The following LRRC4C variants were observed in gnomAD, a reference collection of about 807,000 sequenced individuals.
The protein encoded by LRRC4C is leucine-rich repeat-containing protein 4C.
A neutral mutation model predicts 33.6 loss-of-function variants in LRRC4C; 5 were observed. The ratio of observed to expected loss-of-function variants is 0.15; its 90% CI spans 0.08 to 0.31. The LOEUF is 0.31. LRRC4C is among the 10% of genes least tolerant of loss of function. LRRC4C has a pLI of 1.00. For missense variants in LRRC4C, 560 were observed against 796.7 expected, an observed-to-expected ratio of 0.70 and a Z score of 3.58; for synonymous variants, 329 against 302.0, an observed-to-expected ratio of 1.09 and a Z score of -0.93.
intron 1 of LRRC4C, among the ~76,000 whole-genome samples, chr11:41,163,284 G>GTTTTCTTTTTTTTT (rs1944556600): frequency 1.4e-5 from 1 of 73,382 alleles, no homozygotes; most frequent in Admixed American, 2.3e-4. Flanking sequence ...TACTGTAACT[G>GTTTTCTTTTTTTTT]TTTTTTTTTT....
intron 2 of LRRC4C, among the ~76,000 whole-genome samples, chr11:40,925,816 C>T (rs1319795593): frequency 6.6e-6 from 1 of 152,080 alleles, no homozygotes; most frequent in African/African-American, 2.4e-5. Flanking sequence ...ATGTGCCAGG[C>T]ATTATTTTAG....
chr11:41,103,279 T>C (rs961278389), intron 1 of LRRC4C, among the ~76,000 whole-genome samples: 11 of 151,910 alleles, frequency 7.2e-5, no homozygotes, highest in Non-Finnish European at 2.9e-5. Flanking sequence ...TCTTTGAAAA[T>C]GTGGAAATTG....
At chr11:41,169,106 A>C (rs930442736) in intron 1 of LRRC4C, among the ~76,000 whole-genome samples, 3 of 152,174 alleles carry the variant, frequency 2.0e-5, no homozygotes, top group African/African-American at 7.2e-5. Context: ...ATTGTCTTTG[A>C]AGTTCTTAAA....
intron 2 of LRRC4C, among the ~76,000 whole-genome samples, chr11:40,882,576 C>T (rs1483138488): frequency 6.6e-6 from 1 of 152,016 alleles, no homozygotes; most frequent in Non-Finnish European, 1.5e-5. Flanking sequence ...TTGGAACTTC[C>T]ATTTTTTTCT....
intron 1 of LRRC4C, among the ~76,000 whole-genome samples, chr11:41,012,524 T>C (rs1255442102): frequency 6.6e-6 from 1 of 152,214 alleles, no homozygotes; most frequent in Non-Finnish European, 1.5e-5. Context: ...TTGGCTATTG[T>C]GATTAGTGCT....
At chr11:40,308,678 C>A (rs778723148) in intron 4 of LRRC4C, among the ~76,000 whole-genome samples, 3 of 152,062 alleles carry the variant, frequency 2.0e-5, no homozygotes, top group Non-Finnish European at 4.4e-5. Context: ...AAGGGAGAAA[C>A]CCTTGATCCA....
intron 1 of LRRC4C, among the ~76,000 whole-genome samples, chr11:41,245,090 C>T (rs1948399063): frequency 6.6e-6 from 1 of 152,200 alleles, no homozygotes; most frequent in South Asian, 2.1e-4. Flanking sequence ...TCTTTCCTAT[C>T]TTTCAGTTTT....
At chr11:40,398,530 C>T (rs1238671664) in intron 3 of LRRC4C, among the ~76,000 whole-genome samples, 1 of 151,964 alleles carries the variant, frequency 6.6e-6, no homozygotes, top group African/African-American at 2.4e-5. Context: ...ACCAGTGATT[C>T]TGTCTGTAAA....
intron 2 of LRRC4C, among the ~76,000 whole-genome samples, chr11:40,816,839 C>A (rs1340652487): frequency 2.6e-5 from 4 of 152,084 alleles, no homozygotes; most frequent in African/African-American, 9.7e-5. Flanking sequence ...AATCCTCAAT[C>A]TTTTGCAAAA....
At chr11:40,179,543 T>C (rs907753274) in intron 5 of LRRC4C, among the ~76,000 whole-genome samples, 1 of 152,168 alleles carries the variant, frequency 6.6e-6, no homozygotes, top group South Asian at 2.1e-4. Context: ...TGGCCTCCTT[T>C]GCTTATAACA....
intron 1 of LRRC4C, among the ~76,000 whole-genome samples, chr11:41,153,631 A>G (rs1944097883): frequency 6.6e-6 from 1 of 152,176 alleles, no homozygotes; most frequent in Non-Finnish European, 1.5e-5. Context: ...TTAATTTGCT[A>G]AAAACGGTAT....
intron 1 of LRRC4C, among the ~76,000 whole-genome samples, chr11:40,945,399 A>T (rs1958353285): frequency 6.6e-6 from 1 of 152,060 alleles, no homozygotes; most frequent in Non-Finnish European, 1.5e-5. Context: ...AAAGTTATCA[A>T]TTTATATTAA....
chr11:40,413,415 T>C (rs1381852221), intron 3 of LRRC4C, among the ~76,000 whole-genome samples: 2 of 152,128 alleles, frequency 1.3e-5, no homozygotes, highest in Non-Finnish European at 2.9e-5. Flanking sequence ...CTGCTTAACA[T>C]TCTCATTTTC....
At chr11:40,378,544 G>A (rs1948744603) in intron 3 of LRRC4C, among the ~76,000 whole-genome samples, 1 of 151,970 alleles carries the variant, frequency 6.6e-6, no homozygotes, top group African/African-American at 2.4e-5. Context: ...TAATGGATGG[G>A]TAAACTTTAA....
intron 3 of LRRC4C, among the ~76,000 whole-genome samples, chr11:40,629,166 A>T (rs1565576493): frequency 6.6e-6 from 1 of 152,194 alleles, no homozygotes; most frequent in African/African-American, 2.4e-5. Context: ...GATAGTATAA[A>T]ATCAGTTTTT....
intron 2 of LRRC4C, among the ~76,000 whole-genome samples, chr11:40,685,934 T>C (rs1944929229): frequency 6.6e-6 from 1 of 151,800 alleles, no homozygotes; most frequent in South Asian, 2.1e-4. Flanking sequence ...AATTCTACAC[T>C]GTATATGAGT....
At chr11:40,982,585 G>A (rs967021421) in intron 1 of LRRC4C, among the ~76,000 whole-genome samples, 2 of 152,214 alleles carry the variant, frequency 1.3e-5, no homozygotes, top group South Asian at 2.1e-4. Flanking sequence ...AAGAGATGCT[G>A]CCACTGCTAT....
At chr11:41,270,803 T>C (rs1949296622) in intron 1 of LRRC4C, among the ~76,000 whole-genome samples, 2 of 152,088 alleles carry the variant, frequency 1.3e-5, no homozygotes, top group African/African-American at 2.4e-5. Context: ...ATCAGAAATG[T>C]ATTATATTAC....
At chr11:41,286,994 A>T (rs536676551) in intron 1 of LRRC4C, among the ~76,000 whole-genome samples, 2 of 152,314 alleles carry the variant, frequency 1.3e-5, no homozygotes, top group East Asian at 1.9e-4. Flanking sequence ...AAGCTTCAGC[A>T]ATTTATTACC....
Sources: allele counts gnomAD v4.1 joint callset (sites outside exome capture counted in the v4.1 genomes callset), GRCh38; gene constraint gnomAD v4.1.1; transcripts MANE v1.5; gene names NCBI Gene and HGNC (gene_info 2026-07-23, HGNC 2026-07-21).